The following ZNF385D variants were observed in gnomAD, a reference collection of about 807,000 sequenced individuals.
ZNF385D encodes the protein zinc finger protein 385D.
Under a neutral mutation model 35.8 loss-of-function variants are expected in ZNF385D, and 15 were observed. The observed-to-expected ratio is 0.42, with a 90% CI of 0.28 to 0.64. ZNF385D has a LOEUF of 0.64. ZNF385D is among the 30% of genes least tolerant of loss of function. ZNF385D has a pLI of 0.23. For synonymous variants in ZNF385D, 212 were observed against 186.8 expected (o/e 1.13, Z -1.10); for missense variants, 474 against 494.6 (o/e 0.96, Z 0.39).
chr3:22,069,338 G>C (rs76910638), intron 3 of ZNF385D, among the ~76,000 whole-genome samples: 12,594 of 152,180 alleles, frequency 0.083, 682 homozygotes, highest in Admixed American at 0.16. Flanking sequence ...CAAGCTCCTG[G>C]TAGAATAAAA....
chr3:22,136,455 G>T (rs1336693746), intron 3 of ZNF385D, among the ~76,000 whole-genome samples: 1 of 151,046 alleles, frequency 6.6e-6, no homozygotes, highest in East Asian at 1.9e-4. Context: ...TAAACACATT[G>T]CTAAAAAATG....
chr3:21,735,917 C>A (rs1187643333), intron 1 of ZNF385D, among the ~76,000 whole-genome samples: 1 of 152,158 alleles, frequency 6.6e-6, no homozygotes, highest in East Asian at 1.9e-4. Context: ...AAAATGAGCA[C>A]CTCTACTTTA....
At chr3:21,857,036 T>C (rs1405098524) in intron 3 of ZNF385D, among the ~76,000 whole-genome samples, 2 of 152,082 alleles carry the variant, frequency 1.3e-5, no homozygotes, top group East Asian at 3.9e-4. Flanking sequence ...ATGCAATTTC[T>C]AGGTCCTTTC....
intron 1 of ZNF385D, among the ~76,000 whole-genome samples, chr3:21,719,999 A>C (rs1559550208): frequency 6.6e-6 from 1 of 152,178 alleles, no homozygotes; most frequent in Non-Finnish European, 1.5e-5. Context: ...GGAGAAAGAA[A>C]AGTGGACCTA....
intron 3 of ZNF385D, among the ~76,000 whole-genome samples, chr3:21,787,981 A>AAAAAAAAAAG (rs1559622286): frequency 1.9e-5 from 2 of 104,964 alleles, no homozygotes; most frequent in Non-Finnish European, 4.1e-5. Flanking sequence ...AAAAAAAAAA[A>AAAAAAAAAAG]AGAGAGAGAG....
chr3:22,191,186 T>A (rs544884673), intron 2 of ZNF385D, among the ~76,000 whole-genome samples: 3 of 152,078 alleles, frequency 2.0e-5, no homozygotes, highest in Admixed American at 2.0e-4. Context: ...GTGTGCCATA[T>A]TGACCTTATA....
chr3:22,129,827 G>A lies in ZNF385D; in HGVS notation c.325+38990C>T, dbSNP rs79835136. On this transcript the variant is annotated intron_variant, in intron 3 of 5. Transcript: ENST00000494108. ...CTGAGTGGTGCTTTATTTTACTGTGGCTGACCATGTGCCAAAGTTGTAAGA... is the reference window on the plus strand; with the variant it reads ...CTGAGTGGTGCTTTATTTTACTGTGACTGACCATGTGCCAAAGTTGTAAGA... Among the ~76,000 whole-genome samples, 839 of 152,204 alleles carry A rather than the reference G, an allele frequency of 5.5e-3. 5 individuals carry two copies. The highest frequency in any genetic ancestry group is 0.018 in the African/African-American group (736 of 41,554).
intron 3 of ZNF385D, among the ~76,000 whole-genome samples, chr3:21,959,877 G>A (rs1559792732): frequency 6.6e-6 from 1 of 151,926 alleles, no homozygotes. Flanking sequence ...AGAGTGTCTG[G>A]CAACAAAACT....
At chr3:22,057,513 A>AAT (rs1553600717) in intron 3 of ZNF385D, among the ~76,000 whole-genome samples, 2 of 144,852 alleles carry the variant, frequency 1.4e-5, no homozygotes, top group African/African-American at 5.1e-5. Context: ...CTTTTAAAGT[A>AAT]TTTTTTTTTT....
chr3:21,557,533 A>G lies in ZNF385D; in HGVS notation c.276+7041T>C, dbSNP rs1211697183. On this transcript the variant is annotated intron_variant, in intron 3 of 7. Transcript: ENST00000281523. ...TGAAGCTGACTTGATCGTGGTGGAT[A>G]AGCTTTTTGATGTGCTGCTGGATTA... is the stretch of plus-strand genomic sequence containing the variant. Among the ~76,000 whole-genome samples the G allele has an allele frequency of 2.6e-5, 4 of 152,160 alleles. No individual in the cohort carries two copies. In the East Asian group the frequency reaches 7.7e-4, roughly 29 times the overall value.
chr3:21,493,715 C>T (rs1399788730), intron 4 of ZNF385D, among the ~76,000 whole-genome samples: 1 of 151,918 alleles, frequency 6.6e-6, no homozygotes, highest in Non-Finnish European at 1.5e-5. Flanking sequence ...CCTCCCATCT[C>T]TGCTCCCAAA....
chr3:21,512,067 A>G (rs1441625456), intron 3 of ZNF385D, among the ~76,000 whole-genome samples: 1 of 148,096 alleles, frequency 6.8e-6, no homozygotes, highest in Non-Finnish European at 1.5e-5. Flanking sequence ...GAATCGCTTG[A>G]ACCCGGGAGG....
chr3:21,428,564 AC>A (rs1198890449), intron 5 of ZNF385D, among the ~76,000 whole-genome samples: 4 of 151,150 alleles, frequency 2.6e-5, no homozygotes, highest in Non-Finnish European at 5.9e-5. Context: ...CCATCCCCGC[AC>A]CCCCACCCCC....
intron 2 of ZNF385D, among the ~76,000 whole-genome samples, chr3:22,306,178 G>A (rs1398753594): frequency 6.6e-6 from 1 of 151,986 alleles, no homozygotes; most frequent in Admixed American, 6.6e-5. Context: ...AGGATAAATT[G>A]CCCTTGACTA....
intron 3 of ZNF385D, among the ~76,000 whole-genome samples, chr3:22,018,747 A>G (rs1363874171): frequency 6.6e-6 from 1 of 151,934 alleles, no homozygotes; most frequent in African/African-American, 2.4e-5. Flanking sequence ...GTTATATTTT[A>G]CCAAAGATTC....
intron 4 of ZNF385D, among the ~76,000 whole-genome samples, chr3:21,439,671 A>T (rs1318371465): frequency 1.3e-5 from 2 of 152,088 alleles, no homozygotes; most frequent in Admixed American, 6.6e-5. Flanking sequence ...AAAAGCATAG[A>T]ATAAACAAAA....
intron 3 of ZNF385D, chr3:21,961,669 C>G (rs1272078707): frequency 6.6e-6 from 1 of 151,966 alleles, no homozygotes; most frequent in Non-Finnish European, 1.5e-5. Flanking sequence ...TGTTGAAAAA[C>G]TGATTACCTA....
At chr3:21,592,797 C>G (rs934569121) in intron 2 of ZNF385D, among the ~76,000 whole-genome samples, 4 of 152,266 alleles carry the variant, frequency 2.6e-5, no homozygotes, top group Non-Finnish European at 5.9e-5. Context: ...CAGTTAGAAT[C>G]TGTCAAACAA....
At chr3:22,097,089 G>C (rs1701673437) in intron 3 of ZNF385D, among the ~76,000 whole-genome samples, 1 of 149,286 alleles carries the variant, frequency 6.7e-6, no homozygotes, top group South Asian at 2.2e-4. Flanking sequence ...TGAGTCATGA[G>C]AAATGAATTG....
Sources: allele counts gnomAD v4.1 joint callset (sites outside exome capture counted in the v4.1 genomes callset), GRCh38; gene constraint gnomAD v4.1.1; transcripts MANE v1.5; gene names NCBI Gene and HGNC (gene_info 2026-07-23, HGNC 2026-07-21).